PUM2: variants seen among roughly 807,000 people sequenced by gnomAD.
PUM2 encodes pumilio homolog 2.
Under a neutral mutation model 124.5 loss-of-function variants are expected in PUM2, and 57 were observed. That is an observed-to-expected ratio of 0.46 (90% CI 0.37 to 0.57). The LOEUF is 0.57. Ranked by LOEUF, PUM2 falls within the 20% of genes least tolerant of loss-of-function variation. The probability of loss-of-function intolerance (pLI) is 0.00; values close to 1 mark genes in which losing one functional copy is unlikely to be tolerated. For missense variants in PUM2, 1,065 were observed against 1,290.6 expected (o/e 0.83, Z 2.68); for synonymous variants, 460 against 446.1 (o/e 1.03, Z -0.39).
intron 7 of PUM2, among the ~76,000 whole-genome samples, chr2:20,298,478 G>C (rs1676175474): frequency 1.3e-5 from 2 of 152,206 alleles, no homozygotes; most frequent in South Asian, 4.1e-4. Flanking sequence ...TCATTAAAGA[G>C]AGAAGAAACT....
At position 20,251,538 on chromosome 2, in the gene PUM2, ATTC is replaced by A. The variant is rs1663293308; in HGVS notation, c.*44_*46del. ...GTTTTGATAATTCACACACAAAAAA[ATTC>A]TTTTCACATGGTTAAATTATCTTCT... On this transcript the variant is annotated 3_prime_UTR_variant, in exon 21 of 21. Transcript: ENST00000361078. 2 of 1,557,052 alleles carry A rather than the reference ATTC, an allele frequency of 1.3e-6. No homozygotes were observed. Among genetic ancestry groups the A allele is most frequent in the South Asian group, 1.2e-5 (1 of 81,666 alleles).
Position 20,256,234 on chromosome 2 carries a change from C to G in PUM2, c.2485-64G>C, listed in dbSNP as rs1664730786. The G allele has an allele frequency of 1.8e-5, 26 of 1,433,752 alleles. 1 individual carries two copies. In the South Asian group the frequency reaches 3.9e-4, roughly 22 times the overall value. The allele number at this position is 1,433,752 out of a possible 1,614,324, so 88.8% of individuals were successfully genotyped here. On this transcript the variant is annotated intron_variant, in intron 16 of 20. Transcript: ENST00000361078. The stretch of plus-strand genomic sequence containing the variant: ...ACGAGAAAATACTAGTATATTTTAT[C>G]TCAGTATTAAAAATTAAAAATATTA...
chr2:20,260,599 C>T (rs1293622656), intron 14 of PUM2, 133 bp from the exon 15 acceptor site: 2 of 744,024 alleles, frequency 2.7e-6, no homozygotes, highest in Non-Finnish European at 3.9e-6. Context: ...AGACAGCTAA[C>T]TTACAGCAAA....
At chr2:20,337,720 T>A (rs2149024490) in intron 1 of PUM2, among the ~76,000 whole-genome samples, 1 of 152,326 alleles carries the variant, frequency 6.6e-6, no homozygotes, top group Non-Finnish European at 1.5e-5. Flanking sequence ...TGAACTTAAT[T>A]TGGCTTATTA....
At chr2:20,257,362 T>C (rs1395554930) in intron 16 of PUM2, among the ~76,000 whole-genome samples, 1 of 152,162 alleles carries the variant, frequency 6.6e-6, no homozygotes, top group African/African-American at 2.4e-5. Flanking sequence ...CATCCATATA[T>C]TACTATTTAT....
chr2:20,326,303 G>A (rs1308157677), intron 2 of PUM2: 10 of 1,303,614 alleles, frequency 7.7e-6, no homozygotes, highest in Non-Finnish European at 8.1e-6. Context: ...TTTGGAAAAC[G>A]CTGTTCTGAA....
At chr2:20,329,593 A>T (rs1191699601) in intron 1 of PUM2, among the ~76,000 whole-genome samples, 1 of 152,220 alleles carries the variant, frequency 6.6e-6, no homozygotes, top group African/African-American at 2.4e-5. Context: ...ACAGATTGGT[A>T]CTAGAGCAGC....
At chr2:20,308,689 G>A (rs1303510826) in intron 5 of PUM2, 105 bp from the exon 6 acceptor site, 2 of 1,140,230 alleles carry the variant, frequency 1.8e-6, no homozygotes, top group African/African-American at 3.1e-5. Flanking sequence ...AAAACACAAT[G>A]AATAAGGCAT....
chr2:20,320,268 CAA>C (rs1027859111), intron 2 of PUM2, among the ~76,000 whole-genome samples: 25 of 151,852 alleles, frequency 1.6e-4, no homozygotes, highest in African/African-American at 5.8e-4. Flanking sequence ...AACAAACAAA[CAA>C]AAAAGAGGGT....
intron 10 of PUM2, among the ~76,000 whole-genome samples, chr2:20,290,440 ACC>A (rs1673757070): frequency 3.3e-4 from 2 of 6,118 alleles, no homozygotes; most frequent in Admixed American, 4.3e-3. Context: ...ATACATATTT[ACC>A]ATTCCTGTCG....
intron 9 of PUM2, 36 bp from the exon 10 acceptor site, chr2:20,290,826 A>G (rs1673883174): frequency 6.8e-7 from 1 of 1,463,354 alleles, no homozygotes; most frequent in Non-Finnish European, 9.1e-7. Context: ...AAATCAATAT[A>G]AAATAATAGA....
intron 13 of PUM2, among the ~76,000 whole-genome samples, chr2:20,277,862 T>C (rs530540170): frequency 5.9e-5 from 9 of 152,128 alleles, no homozygotes; most frequent in Non-Finnish European, 1.3e-4. Context: ...TAGGGATTCA[T>C]ACACAGCCCC....
chr2:20,307,194 TGA>T (rs1678545624), intron 7 of PUM2, among the ~76,000 whole-genome samples: 1 of 152,036 alleles, frequency 6.6e-6, no homozygotes, highest in Non-Finnish European at 1.5e-5. Flanking sequence ...CCAGCCTGGG[TGA>T]GAGTGAGACT....
chr2:20,296,008 G>T (rs1165641710), intron 8 of PUM2, among the ~76,000 whole-genome samples: 1 of 152,138 alleles, frequency 6.6e-6, no homozygotes, highest in Non-Finnish European at 1.5e-5. Context: ...ACAGTTTAGT[G>T]GTTCTCTGTA....
intron 8 of PUM2, among the ~76,000 whole-genome samples, chr2:20,297,256 G>A (rs1041700861): frequency 6.6e-6 from 1 of 152,120 alleles, no homozygotes; most frequent in Non-Finnish European, 1.5e-5. Context: ...GTCTCTGCGG[G>A]TAATGGGGTT....
chr2:20,323,307 G>A (rs1682825148), intron 2 of PUM2, among the ~76,000 whole-genome samples: 1 of 152,030 alleles, frequency 6.6e-6, no homozygotes, highest in East Asian at 1.9e-4. Context: ...AATTAGCCAG[G>A]CGTAGTGGCA....
intron 12 of PUM2, among the ~76,000 whole-genome samples, chr2:20,279,378 T>A (rs1427020951): frequency 6.6e-6 from 1 of 152,168 alleles, no homozygotes; most frequent in Non-Finnish European, 1.5e-5. Context: ...AGCAGCTAAC[T>A]CAACAGTATT....
intron 2 of PUM2, among the ~76,000 whole-genome samples, chr2:20,320,866 A>C (rs1315664625): frequency 6.6e-6 from 1 of 152,206 alleles, no homozygotes; most frequent in Non-Finnish European, 1.5e-5. Context: ...AATCCCTTAA[A>C]AATACTGTAT....
At chr2:20,313,422 A>G (rs937095126) in intron 3 of PUM2, among the ~76,000 whole-genome samples, 1 of 152,262 alleles carries the variant, frequency 6.6e-6, no homozygotes, top group African/African-American at 2.4e-5. Context: ...AAAGGTAGAA[A>G]TAGTATGCAA....
Sources: allele counts gnomAD v4.1 joint callset (sites outside exome capture counted in the v4.1 genomes callset), GRCh38; gene constraint gnomAD v4.1.1; transcripts MANE v1.5; gene names NCBI Gene and HGNC (gene_info 2026-07-23, HGNC 2026-07-21).